ZNF618: variants seen among roughly 807,000 people sequenced by gnomAD.
ZNF618 encodes neural precursor cell expressed, developmentally down-regulated 10.
In ZNF618, 34 loss-of-function variants were observed where a neutral mutation model predicts 103.0. That is an observed-to-expected ratio of 0.33 (90% CI 0.25 to 0.44). The LOEUF is 0.44. ZNF618 is among the 20% of genes least tolerant of loss of function. The pLI, the probability that ZNF618 is intolerant of heterozygous loss-of-function variation, is 1.00. For missense variants in ZNF618, 1,059 were observed against 1,295.4 expected (o/e 0.82, Z 2.80); for synonymous variants, 551 against 542.2 (o/e 1.02, Z -0.23).
intron 1 of ZNF618, among the ~76,000 whole-genome samples, chr9:113,956,082 G>A (rs771530476): frequency 4.6e-5 from 7 of 151,874 alleles, no homozygotes; most frequent in Non-Finnish European, 8.8e-5. Flanking sequence ...GGTGGCTCAC[G>A]CCTGTAATCC....
intron 11 of ZNF618, among the ~76,000 whole-genome samples, chr9:114,032,383 C>T (rs1844157890): frequency 1.3e-5 from 2 of 152,158 alleles, no homozygotes; most frequent in Admixed American, 1.3e-4. Flanking sequence ...TGCTGGATTT[C>T]ATCTTTGTGT....
chr9:113,986,787 G>T (rs1839526871), intron 2 of ZNF618, among the ~76,000 whole-genome samples: 1 of 152,164 alleles, frequency 6.6e-6, no homozygotes, highest in African/African-American at 2.4e-5. Flanking sequence ...TTAGCTGGGG[G>T]CTCCCCTCTC....
At chr9:114,021,917 G>C (rs1427010764) in intron 10 of ZNF618, among the ~76,000 whole-genome samples, 1 of 152,076 alleles carries the variant, frequency 6.6e-6, no homozygotes, top group Non-Finnish European at 1.5e-5. Flanking sequence ...TGTATCAGTA[G>C]TTCATTCTCT....
intron 1 of ZNF618, among the ~76,000 whole-genome samples, chr9:113,889,809 G>A (rs555016998): frequency 1.3e-5 from 2 of 152,084 alleles, no homozygotes; most frequent in Non-Finnish European, 2.9e-5. Context: ...CTGTTCTTCT[G>A]TCTATCCCAA....
At chr9:113,895,147 G>C (rs528606485) in intron 1 of ZNF618, among the ~76,000 whole-genome samples, 1 of 152,194 alleles carries the variant, frequency 6.6e-6, no homozygotes, top group African/African-American at 2.4e-5. Flanking sequence ...TAAAATTTGT[G>C]AAGATGGAGG....
chr9:113,936,255 G>A (rs986568793), intron 1 of ZNF618, among the ~76,000 whole-genome samples: 1 of 152,182 alleles, frequency 6.6e-6, no homozygotes, highest in Non-Finnish European at 1.5e-5. Context: ...GTTACCATGG[G>A]CCACTCACTC....
rs1844180999 is a variant in ZNF618, at chr9:114,032,581, T to C, written c.1085-64T>C. 4.0e-6 allele frequency: 6 copies of C among 1,504,822 alleles called. No individual in the cohort carries two copies. The South Asian group carries it at 6.8e-5, about 17-fold the overall frequency. The allele number at this position is 1,504,822 out of a possible 1,614,324, so 93.2% of individuals were successfully genotyped here. A position where few individuals can be genotyped will look rare whatever the true frequency, so the allele number is the denominator to read the frequency against. The stretch of plus-strand genomic sequence containing the variant: ...CCTTGGCCTTCACCCAGCCTACCCC[T>C]CCCTTGAGACCTAGTGCTGACCAAT... On this transcript the variant is annotated intron_variant, in intron 11 of 14. Coordinates refer to ENST00000374126, the MANE Select transcript of ZNF618 (RefSeq NM_001318042.2).
chr9:114,054,881 A>G lies in ZNF618; in HGVS notation c.*4714A>G, dbSNP rs1389996016. 6.6e-6 allele frequency: 1 copy of G among 152,152 alleles called. No homozygotes were observed. The highest frequency in any genetic ancestry group is 2.4e-5 in the African/African-American group (1 of 41,424). The allele number at this position is 152,152 out of a possible 1,614,324, so 9.4% of individuals were successfully genotyped here. On this transcript the variant is annotated 3_prime_UTR_variant, in exon 15 of 15. Coordinates refer to ENST00000374126, the MANE Select transcript of ZNF618 (RefSeq NM_001318042.2). ...GGAAGAGGCGCCCACTCCCACTTTAATGAGGGTGAAGATTGTCAGGTCACT... is the reference window on the plus strand; with the variant it reads ...GGAAGAGGCGCCCACTCCCACTTTAGTGAGGGTGAAGATTGTCAGGTCACT...
chr9:113,901,507 C>T (rs916548956), intron 1 of ZNF618, among the ~76,000 whole-genome samples: 1 of 152,230 alleles, frequency 6.6e-6, no homozygotes, highest in Non-Finnish European at 1.5e-5. Context: ...ATGCTGACAA[C>T]TTGAACGAGA....
intron 10 of ZNF618, among the ~76,000 whole-genome samples, chr9:114,018,856 G>A (rs189086745): frequency 3.3e-5 from 5 of 152,326 alleles, no homozygotes; most frequent in Admixed American, 3.3e-4. Flanking sequence ...AATACAGCAT[G>A]AGAGATTTAG....
At chr9:113,930,464 A>G (rs1833478486) in intron 1 of ZNF618, among the ~76,000 whole-genome samples, 1 of 152,078 alleles carries the variant, frequency 6.6e-6, no homozygotes, top group South Asian at 2.1e-4. Flanking sequence ...TTTTTTTTTA[A>G]ACTTGTTCAA....
chr9:114,030,406 A>T lies in ZNF618; in HGVS notation c.1084+1434A>T, dbSNP rs533210783. ...AGATATCGGCTCCACTAAATCATGG[A>T]ATCGTGGCTTTCAAATCTTGCTTTC... On this transcript the variant is annotated intron_variant, in intron 11 of 14. Transcript: ENST00000374126. Among the ~76,000 whole-genome samples the T allele has an allele frequency of 2.0e-5, 3 of 152,312 alleles. No homozygotes were observed. The East Asian group carries it at 5.8e-4, about 29-fold the overall frequency.
chr9:113,885,657 C>T (rs550424357), intron 1 of ZNF618, among the ~76,000 whole-genome samples: 11 of 152,252 alleles, frequency 7.2e-5, no homozygotes, highest in Admixed American at 2.0e-4. Context: ...TCTGGGACCC[C>T]GACACAGCCT....
chr9:113,881,978 C>T (rs1828571472), intron 1 of ZNF618, among the ~76,000 whole-genome samples: 1 of 152,318 alleles, frequency 6.6e-6, no homozygotes, highest in South Asian at 2.1e-4. Flanking sequence ...GTCCGGGAGG[C>T]TGTTGCTTTT....
intron 2 of ZNF618, among the ~76,000 whole-genome samples, chr9:113,974,805 C>T (rs552018151): frequency 3.3e-5 from 5 of 152,276 alleles, no homozygotes; most frequent in African/African-American, 1.2e-4. Context: ...AAGGGCCAAG[C>T]AGCCTAGTGC....
At chr9:113,984,854 C>T (rs2133213820) in intron 2 of ZNF618, among the ~76,000 whole-genome samples, 1 of 152,334 alleles carries the variant, frequency 6.6e-6, no homozygotes, top group Middle Eastern at 3.4e-3. Context: ...TCAGCTTCAT[C>T]AGCATGACCA....
At chr9:113,973,617 C>G (rs1157095564) in intron 2 of ZNF618, among the ~76,000 whole-genome samples, 1 of 152,144 alleles carries the variant, frequency 6.6e-6, no homozygotes, top group East Asian at 1.9e-4. Flanking sequence ...GTGCAGGTTA[C>G]AAATCATGTA....
intron 1 of ZNF618, among the ~76,000 whole-genome samples, chr9:113,963,944 G>A (rs1837106671): frequency 6.6e-6 from 1 of 152,222 alleles, no homozygotes; most frequent in Admixed American, 6.5e-5. Flanking sequence ...TGTCAGCAGT[G>A]TTGGGAAAAC....
intron 10 of ZNF618, chr9:114,028,344 C>T (rs1413591336): frequency 2.4e-5 from 5 of 208,172 alleles, no homozygotes; most frequent in Non-Finnish European, 3.9e-5. Context: ...TGCCTGTCTA[C>T]TTCCTATTGT....
Sources: allele counts gnomAD v4.1 joint callset (sites outside exome capture counted in the v4.1 genomes callset), GRCh38; gene constraint gnomAD v4.1.1; transcripts MANE v1.5; gene names NCBI Gene and HGNC (gene_info 2026-07-23, HGNC 2026-07-21).